GRTP1: variants seen among roughly 807,000 people sequenced by gnomAD.
GRTP1 encodes the protein growth hormone regulated TBC protein 1.
A neutral mutation model predicts 38.1 loss-of-function variants in GRTP1; 56 were observed. The ratio of observed to expected loss-of-function variants is 1.47; its 90% CI spans 1.19 to 1.84. GRTP1 has a LOEUF of 1.84. Ranked by LOEUF, GRTP1 falls within the 40% of genes most tolerant of loss-of-function variation. The pLI, the probability that GRTP1 is intolerant of heterozygous loss-of-function variation, is 0.00. For synonymous variants in GRTP1, 217 were observed against 189.5 expected (o/e 1.14, Z -1.19); for missense variants, 506 against 453.9 (o/e 1.11, Z -1.04).
chr13:113,347,519 C>CTCTGTGGCCGAGAGCAGACCTGGGAGG (rs2043176277), intron 4 of GRTP1, among the ~76,000 whole-genome samples: 4 of 34,480 alleles, frequency 1.2e-4, no homozygotes, highest in Admixed American at 2.8e-4. Context: ...GACCCAGGAG[C>CTCTGTGGCCGAGAGCAGACCTGGGAGG]ACCTCTGTGG....
intron 4 of GRTP1, among the ~76,000 whole-genome samples, chr13:113,347,478 A>AGACCCGGGAG (rs2043173548): frequency 2.7e-5 from 2 of 75,190 alleles, no homozygotes; most frequent in African/African-American, 1.2e-4. Flanking sequence ...GGCCGAGAGC[A>AGACCCGGGAG]GACCTGGGAG....
intron 2 of GRTP1, among the ~76,000 whole-genome samples, chr13:113,357,441 C>CAAAAAAAAAA (rs368660991): frequency 2.0e-5 from 2 of 97,668 alleles, no homozygotes; most frequent in African/African-American, 8.3e-5. Context: ...GACACTGCCT[C>CAAAAAAAAAA]AAAAAAAAAA....
intron 6 of GRTP1, 33 bp downstream of exon 6, chr13:113,325,881 GCGGCC>G: frequency 6.2e-7 from 1 of 1,613,750 alleles, no homozygotes; most frequent in Non-Finnish European, 8.5e-7. Context: ...TCACTCCCTG[GCGGCC>G]CGCCCGCCCC....
At chr13:113,350,459 A>AC (rs57466932) in intron 4 of GRTP1, among the ~76,000 whole-genome samples, 46,500 of 143,486 alleles carry the variant, frequency 0.32, 7,838 homozygotes, top group East Asian at 0.59. Flanking sequence ...CAGCGCACGC[A>AC]CCCACAGCAC....
At chr13:113,357,904 C>T (rs1362522495) in intron 2 of GRTP1, among the ~76,000 whole-genome samples, 2 of 152,270 alleles carry the variant, frequency 1.3e-5, no homozygotes, top group East Asian at 1.9e-4. Flanking sequence ...TGCGGCCTGG[C>T]GTGGTGGTTC....
At chr13:113,332,966 C>A (rs1279467091) in intron 5 of GRTP1, among the ~76,000 whole-genome samples, 2 of 152,226 alleles carry the variant, frequency 1.3e-5, no homozygotes, top group Non-Finnish European at 2.9e-5. Context: ...CAGCACTGAC[C>A]AACCGCCTTC....
chr13:113,363,362 C>G (rs1288947699), intron 2 of GRTP1, among the ~76,000 whole-genome samples: 1 of 152,230 alleles, frequency 6.6e-6, no homozygotes, highest in Non-Finnish European at 1.5e-5. Context: ...CAGGAGCCAC[C>G]ACGCCCGGCT....
intron 3 of GRTP1, 51 bp downstream of exon 3, chr13:113,355,272 T>C: frequency 6.3e-7 from 1 of 1,591,504 alleles, no homozygotes; most frequent in South Asian, 1.1e-5. Flanking sequence ...TGGAAACCGG[T>C]TCCTTCCGGC....
chr13:113,333,582 G>A (rs1466417384), intron 5 of GRTP1, among the ~76,000 whole-genome samples: 2 of 152,054 alleles, frequency 1.3e-5, no homozygotes, highest in South Asian at 4.1e-4. Context: ...TCGGCTCACT[G>A]CAACCTCCAC....
chr13:113,326,111 AAAGACCCCGAG>A lies in GRTP1; in HGVS notation c.563-31_563-21del. ...AGTAATCTGCCAGGCAATGTGGAGA[AAAGACCCCGAG>A]ACACTCCCGTCACCTCCACAAGCCC... On this transcript the variant is annotated intron_variant, in intron 5 of 7. Coordinates refer to ENST00000375431, the MANE Select transcript of GRTP1 (RefSeq NM_024719.4). 6.2e-7 allele frequency: 1 copy of A among 1,602,914 alleles called. No individual in the cohort carries two copies. Among genetic ancestry groups the A allele is most frequent in the Non-Finnish European group, 8.5e-7 (1 of 1,179,442 alleles).
At position 113,355,374 on chromosome 13, in the gene GRTP1, G is replaced by A; in HGVS notation, c.289C>T (p.Gln97Ter). The A allele has an allele frequency of 6.2e-7, 1 of 1,614,148 alleles. No individual in the cohort carries two copies. The highest frequency in any genetic ancestry group is 8.5e-7 in the Non-Finnish European group (1 of 1,180,014). ...GGGTTTCTCTCTCCCTGGAGAAGCT[G>A]GTGGTAGTAGCCGGGATTCTGGTCC... ...QMDQNPGYYHQLLQGERNPRL... is the reference protein window; with the variant it reads ...QMDQNPGYYH The change falls in exon 3 of 8, where the codon CAG becomes TAG. Residue 97 changes from glutamine to a stop codon, truncating the protein, a stop_gained. Transcript: ENST00000375431. LOFTEE classifies it high-confidence loss of function.
intron 5 of GRTP1, among the ~76,000 whole-genome samples, chr13:113,333,838 A>ATTTATTTAGTGTGT (rs749095615): frequency 3.4e-4 from 8 of 23,596 alleles, no homozygotes; most frequent in African/African-American, 5.4e-4. Flanking sequence ...TTATTTATTT[A>ATTTATTTAGTGTGT]GTGTGTGTGT....
rs897863154 is a variant in GRTP1 at position 113,352,322 on chromosome 13, A to T, written c.341-1349T>A. 7.1e-3 allele frequency among the ~76,000 whole-genome samples: 423 copies of T among 59,538 alleles called. 2 individuals are homozygous for T. The highest frequency in any genetic ancestry group is 0.026 in the African/African-American group (385 of 14,872). The allele number at this position is 59,538 out of a possible 152,430, so 39.1% of individuals were successfully genotyped here. On this transcript the variant is annotated intron_variant, in intron 3 of 7. Transcript: ENST00000375431. ...TATATTTTATATATATTTTATATAT[A>T]TTTTTATATATATTTTATATATATA... is the stretch of plus-strand genomic sequence containing the variant.
Position 113,346,890 on chromosome 13 carries a change from G to A in GRTP1, c.466-1931C>T, listed in dbSNP as rs1209808152. 1.0e-3 allele frequency among the ~76,000 whole-genome samples: 2 copies of A among 1,964 alleles called. 1 individual carries two copies. Among genetic ancestry groups the A allele is most frequent in the African/African-American group, 2.4e-3 (2 of 838 alleles). 1.3% of individuals were successfully genotyped at this position (1,964 alleles called of 152,430 possible). On this transcript the variant is annotated intron_variant, in intron 4 of 7. Transcript: ENST00000375431. ...GACCTCTGTGCCTGACAGTGGACCC[G>A]GGAGGACCTCTGTGGCTGAGAGCGG...
intron 3 of GRTP1, 157 bp downstream of exon 3, chr13:113,355,166 G>C (rs1443204334): frequency 4.4e-6 from 3 of 688,256 alleles, no homozygotes; most frequent in South Asian, 4.2e-5. Context: ...CCTTGCAAAG[G>C]CTTCAGTTTT....
chr13:113,346,227 A>AGCAGACCCGGGAGGACCTCTGTGCCTG (rs2043124467), intron 4 of GRTP1, among the ~76,000 whole-genome samples: 1 of 116,656 alleles, frequency 8.6e-6, no homozygotes, highest in Admixed American at 8.8e-5. Context: ...TGTGGCTGAG[A>AGCAGACCCGGGAGGACCTCTGTGCCTG]ACAGACCCGG....
At chr13:113,357,408 G>A (rs1479764478) in intron 2 of GRTP1, among the ~76,000 whole-genome samples, 1 of 128,832 alleles carries the variant, frequency 7.8e-6, no homozygotes, top group Non-Finnish European at 1.5e-5. Context: ...TCACGCCGCT[G>A]CACTCCAGCC....
intron 7 of GRTP1, 155 bp downstream of exon 7, chr13:113,325,506 G>A: frequency 6.7e-7 from 1 of 1,490,676 alleles, no homozygotes; most frequent in Non-Finnish European, 8.9e-7. Context: ...GCCAGGCGCA[G>A]GGGGCAGATG....
At position 113,349,941 on chromosome 13, in the gene GRTP1, C is replaced by A. The variant is rs544095113; in HGVS notation, c.465+908G>T. 2.8e-4 allele frequency among the ~76,000 whole-genome samples: 42 copies of A among 152,306 alleles called. No individual in the cohort carries two copies. Among genetic ancestry groups the A allele is most frequent in the African/African-American group, 9.6e-4 (40 of 41,558 alleles). ...CTCCTAGAAACGTTTAAGCCAGCCA[C>A]AACCCCTAGGAGCCCGTGAAGCACA... is the stretch of plus-strand genomic sequence containing the variant. On this transcript the variant is annotated intron_variant, in intron 4 of 7. Transcript: ENST00000375431. This position sits in a 1 kb window ranked among gnomAD's most constrained non-coding sequence, Gnocchi z 5.0.
Sources: gnomAD v4.1 joint callset for allele counts (sites outside exome capture counted in the v4.1 genomes callset) on GRCh38, gnomAD v4.1.1 for gene constraint, Gnocchi (gnomAD v3.1) non-coding constraint, MANE v1.5 for transcripts, NCBI Gene and HGNC (gene_info 2026-07-23, HGNC 2026-07-21) for gene names.